The following GRIA1 variants were observed in gnomAD, a reference collection of about 807,000 sequenced individuals.
GRIA1 encodes glutamate receptor 1.
In GRIA1, 31 loss-of-function variants were observed where a neutral mutation model predicts 99.2. The ratio of observed to expected loss-of-function variants is 0.31; its 90% confidence interval spans 0.23 to 0.42. The LOEUF is 0.42. GRIA1 is among the 10% of genes least tolerant of loss of function. The probability of loss-of-function intolerance (pLI) is 1.00; values close to 1 mark genes in which losing one functional copy is unlikely to be tolerated. For missense variants in GRIA1, 782 were observed against 1,157.5 expected (o/e 0.68, Z 4.71); for synonymous variants, 438 against 432.4 (o/e 1.01, Z -0.16).
At chr5:153,778,193 G>T (rs768894201) in intron 13 of GRIA1, among the ~76,000 whole-genome samples, 18 of 25,224 alleles carry the variant, frequency 7.1e-4, no homozygotes, top group Admixed American at 1.8e-3. Context: ...GAGAGAGAGA[G>T]TGTGTGTGTG....
In GRIA1 at chr5:153,733,579, A is replaced by G. The variant is rs139980647; in HGVS notation, c.1823+27512A>G. The stretch of plus-strand genomic sequence containing the variant: ...AAGATATAGAGTGGCTGAATGAATA[A>G]AAAAGCAAGACCCAACTACATGCTG... On this transcript the variant is annotated intron_variant, in intron 11 of 15. Transcript: ENST00000285900. Among the ~76,000 whole-genome samples, 1,418 of 152,276 alleles carry G rather than the reference A, an allele frequency of 9.3e-3. 14 individuals carry two copies. The highest frequency in any genetic ancestry group is 0.032 in the African/African-American group (1,336 of 41,578).
At chr5:153,633,116 G>A (rs564856491) in intron 2 of GRIA1, among the ~76,000 whole-genome samples, 9 of 152,292 alleles carry the variant, frequency 5.9e-5, no homozygotes, top group South Asian at 2.1e-4. Flanking sequence ...TCAGGGGCAG[G>A]GAGGCTCCTG....
intron 13 of GRIA1, among the ~76,000 whole-genome samples, chr5:153,789,165 C>G (rs1427782902): frequency 1.3e-5 from 2 of 152,136 alleles, no homozygotes; most frequent in Non-Finnish European, 2.9e-5. Context: ...CCACATCATT[C>G]TGGTAATTGA....
At chr5:153,636,013 T>A (rs1476788660) in intron 2 of GRIA1, among the ~76,000 whole-genome samples, 1 of 152,226 alleles carries the variant, frequency 6.6e-6, no homozygotes, top group Non-Finnish European at 1.5e-5. Flanking sequence ...TTGACTCTTG[T>A]ACAGAAATCA....
intron 5 of GRIA1, among the ~76,000 whole-genome samples, chr5:153,666,331 G>A (rs754628197): frequency 1.6e-4 from 24 of 152,142 alleles, no homozygotes; most frequent in Admixed American, 9.2e-4. Flanking sequence ...GCCCCTGCAC[G>A]TTCAAAGAGA....
At chr5:153,693,166 A>C (rs1757879226) in intron 8 of GRIA1, among the ~76,000 whole-genome samples, 1 of 152,216 alleles carries the variant, frequency 6.6e-6, no homozygotes, top group Admixed American at 6.5e-5. Context: ...CTGGATTTCA[A>C]CATCCAGCTA....
chr5:153,706,132 G>GTTTGTTT, intron 11 of GRIA1, 65 bp downstream of exon 11: 1 of 1,477,348 alleles, frequency 6.8e-7, no homozygotes, highest in South Asian at 1.2e-5. Context: ...TTGTTTGTTT[G>GTTTGTTT]TTTTTTAAAT....
chr5:153,751,182 G>A (rs1393907288), intron 11 of GRIA1, among the ~76,000 whole-genome samples: 1 of 152,216 alleles, frequency 6.6e-6, no homozygotes, highest in Non-Finnish European at 1.5e-5. Context: ...AAGGCAGGAT[G>A]CCCTTCAGCT....
intron 2 of GRIA1, among the ~76,000 whole-genome samples, chr5:153,584,356 G>A (rs1250221722): frequency 6.6e-6 from 1 of 152,170 alleles, no homozygotes; most frequent in East Asian, 1.9e-4. Flanking sequence ...CATCTGGAAA[G>A]ACAACCCAAG....
At chr5:153,646,625 C>A (rs377586525) in intron 2 of GRIA1, among the ~76,000 whole-genome samples, 159 of 152,200 alleles carry the variant, frequency 1.0e-3, no homozygotes, top group Middle Eastern at 3.4e-3. Context: ...AATTAATAAC[C>A]ATGACAACTT....
chr5:153,808,644 C>T (rs1766603128), intron 15 of GRIA1, among the ~76,000 whole-genome samples: 1 of 152,148 alleles, frequency 6.6e-6, no homozygotes, highest in Middle Eastern at 3.2e-3. Context: ...AGGGTTTTTT[C>T]CCCAAAACTC....
intron 2 of GRIA1, among the ~76,000 whole-genome samples, chr5:153,592,054 C>A (rs1430957105): frequency 6.6e-6 from 1 of 152,094 alleles, no homozygotes; most frequent in Non-Finnish European, 1.5e-5. Flanking sequence ...TTTTTCTTTC[C>A]CAGAGTAAAG....
intron 2 of GRIA1, among the ~76,000 whole-genome samples, chr5:153,619,448 C>A (rs991467182): frequency 6.6e-6 from 1 of 152,236 alleles, no homozygotes; most frequent in African/African-American, 2.4e-5. Flanking sequence ...TGTAAGGGAA[C>A]TTCAAGAAAG....
chr5:153,539,083 A>C (rs1259223567), intron 2 of GRIA1, among the ~76,000 whole-genome samples: 1 of 152,232 alleles, frequency 6.6e-6, no homozygotes, highest in Non-Finnish European at 1.5e-5. Context: ...TGATTAAATT[A>C]GGTCACTGTT....
rs760292837 is a variant in GRIA1, at chr5:153,686,215, TG to T, written c.1030-9del. 6.2e-7 allele frequency: 1 copy of T among 1,608,768 alleles called. No individual in the cohort carries two copies. The highest frequency in any genetic ancestry group is 8.5e-7 in the Non-Finnish European group (1 of 1,175,152). ...GAGTTCACTGCCCACCACTTGGTTT[TG>T]TTTTCCAGGTGCGATTTGAAGGTTT... On this transcript the variant is annotated splice_polypyrimidine_tract_variant and intron_variant, in intron 7 of 15. Transcript: ENST00000285900.
intron 2 of GRIA1, among the ~76,000 whole-genome samples, chr5:153,522,525 A>G (rs1316542359): frequency 6.6e-6 from 1 of 152,218 alleles, no homozygotes. Flanking sequence ...ATGGGCTAAT[A>G]TAACATGAGT....
intron 2 of GRIA1, among the ~76,000 whole-genome samples, chr5:153,540,101 G>A (rs977286960): frequency 2.0e-5 from 3 of 152,222 alleles, no homozygotes; most frequent in African/African-American, 4.8e-5. Context: ...TCTGTGGGGT[G>A]CATTGTCCCC....
intron 10 of GRIA1, among the ~76,000 whole-genome samples, chr5:153,704,359 A>G (rs1194726046): frequency 6.6e-6 from 1 of 152,194 alleles, no homozygotes; most frequent in Non-Finnish European, 1.5e-5. Flanking sequence ...CTCCATGGAA[A>G]TCCTCTTAGG....
At chr5:153,693,722 A>T (rs540703632) in intron 8 of GRIA1, among the ~76,000 whole-genome samples, 1 of 152,332 alleles carries the variant, frequency 6.6e-6, no homozygotes, top group Admixed American at 6.5e-5. Context: ...AATTGTTTAA[A>T]TCCTCTCCTG....
Sources: allele counts gnomAD v4.1 joint callset (sites outside exome capture counted in the v4.1 genomes callset), GRCh38; gene constraint gnomAD v4.1.1; transcripts MANE v1.5; gene names NCBI Gene and HGNC (gene_info 2026-07-23, HGNC 2026-07-21).